SIN3A: variants seen among roughly 807,000 people sequenced by gnomAD.
SIN3A encodes the protein SIN3 transcription regulator family member A, also known as paired amphipathic helix protein Sin3a.
Under a neutral mutation model 146.1 loss-of-function variants are expected in SIN3A, and 14 were observed. The ratio of observed to expected loss-of-function variants is 0.10; its 90% CI spans 0.06 to 0.15. SIN3A has a LOEUF of 0.15. Among genes scored for constraint, SIN3A ranks in the 10% least tolerant of loss-of-function variants. The pLI, the probability that SIN3A is intolerant of heterozygous loss-of-function variation, is 1.00. For synonymous variants in SIN3A, 572 were observed against 572.0 expected (o/e 1.00, Z 0.00); for missense variants, 1,028 against 1,576.0 (o/e 0.65, Z 5.89).
At chr15:75,385,013 A>C (rs1459046630) in intron 16 of SIN3A, among the ~76,000 whole-genome samples, 1 of 152,122 alleles carries the variant, frequency 6.6e-6, no homozygotes, top group Non-Finnish European at 1.5e-5. Context: ...ATCTCTACTA[A>C]AAATACACAA....
Position 75,370,916 on chromosome 15 carries a change from G to T in SIN3A, c.*1063C>A, listed in dbSNP as rs1457841950. 1 of 151,146 alleles carries T rather than the reference G, an allele frequency of 6.6e-6. No homozygotes were observed. Among genetic ancestry groups the T allele is most frequent in the Non-Finnish European group, 1.5e-5 (1 of 67,940 alleles). The allele number at this position is 151,146 out of a possible 1,614,324, so 9.4% of individuals were successfully genotyped here. A position where few individuals can be genotyped will look rare whatever the true frequency, so the allele number is the denominator to read the frequency against. ...ATTTTCTGGTGAGGACAAGGGACGT[G>T]GGTTGAGAGTTTATTCCTTAAGTAA... On this transcript the variant is annotated 3_prime_UTR_variant, in exon 21 of 21. Coordinates refer to ENST00000394947, the MANE Select transcript of SIN3A (RefSeq NM_001145358.2).
chr15:75,451,274 C>A (rs1196601101), intron 1 of SIN3A, 149 bp downstream of exon 1: 2 of 128,992 alleles, frequency 1.6e-5, no homozygotes, highest in African/African-American at 5.8e-5. Flanking sequence ...CTCCGCCCCC[C>A]ACCCCCCTCA....
intron 8 of SIN3A, among the ~76,000 whole-genome samples, chr15:75,408,259 CAT>C (rs2073557151): frequency 6.6e-6 from 1 of 152,174 alleles, no homozygotes; most frequent in South Asian, 2.1e-4. Context: ...TCTTGCTACC[CAT>C]ATAACTAATT....
chr15:75,417,859 A>G (rs1156593875), intron 3 of SIN3A, among the ~76,000 whole-genome samples: 3 of 152,104 alleles, frequency 2.0e-5, no homozygotes, highest in Non-Finnish European at 4.4e-5. Flanking sequence ...CATGAATGGG[A>G]TTAGGGACCT....
intron 9 of SIN3A, 24 bp from the exon 10 acceptor site, chr15:75,401,994 AAC>A (rs750208575): frequency 2.7e-6 from 4 of 1,488,248 alleles, no homozygotes; most frequent in Non-Finnish European, 3.7e-6. Context: ...CGGGAAGAAA[AAC>A]AGTTTTTGTT....
At chr15:75,439,366 A>C (rs1420263038) in intron 1 of SIN3A, among the ~76,000 whole-genome samples, 1 of 150,748 alleles carries the variant, frequency 6.6e-6, no homozygotes, top group South Asian at 2.1e-4. Context: ...TTTGAGACAG[A>C]GTCTTGCTCT....
At position 75,451,605 on chromosome 15, in the gene SIN3A, G is replaced by A. The variant is rs957486145; in HGVS notation, c.-216C>T. The stretch of plus-strand genomic sequence containing the variant: ...GACTGGGAAGGAGGGAGGGAGGGAG[G>A]GAGGGAAACTCCGAGGGGGGAAGGG... On this transcript the variant is annotated 5_prime_UTR_variant, in exon 1 of 21. Coordinates refer to ENST00000394947, the MANE Select transcript of SIN3A (RefSeq NM_001145358.2). 7.1e-5 allele frequency: 10 copies of A among 141,616 alleles called. No homozygotes were observed. Among genetic ancestry groups the A allele is most frequent in the Non-Finnish European group, 1.4e-4 (9 of 64,518 alleles). 8.8% of individuals were successfully genotyped at this position (141,616 alleles called of 1,614,324 possible). A position where few individuals can be genotyped will look rare whatever the true frequency, so the allele number is the denominator to read the frequency against.
At chr15:75,374,846 G>T (rs1293514866) in intron 20 of SIN3A, among the ~76,000 whole-genome samples, 1 of 152,164 alleles carries the variant, frequency 6.6e-6, no homozygotes, top group Admixed American at 6.5e-5. Context: ...CTGTATGCTA[G>T]TTACCCTTGA....
chr15:75,426,163 C>T (rs1164730843), intron 2 of SIN3A, among the ~76,000 whole-genome samples: 2 of 152,166 alleles, frequency 1.3e-5, no homozygotes, highest in Non-Finnish European at 2.9e-5. Context: ...CAGTCATTAA[C>T]CTGTTTAGAT....
rs777128629 is a variant in SIN3A at position 75,410,289 on chromosome 15, G to A, written c.1009-3C>T. The A allele has an allele frequency of 3.7e-6, 6 of 1,610,086 alleles. No individual in the cohort carries two copies. The highest frequency in any genetic ancestry group is 3.3e-5 in the South Asian group (3 of 89,996). The stretch of plus-strand genomic sequence containing the variant: ...TCCTTGGCATTTCTCTGCTCTTTCT[G>A]AGGAATTGCAAATGAAAAGAGATCA... On this transcript the variant is annotated splice_region_variant and splice_polypyrimidine_tract_variant and intron_variant, in intron 6 of 20. Coordinates refer to ENST00000394947, the MANE Select transcript of SIN3A (RefSeq NM_001145358.2).
At chr15:75,427,543 C>G (rs1432680631) in intron 2 of SIN3A, among the ~76,000 whole-genome samples, 3 of 151,926 alleles carry the variant, frequency 2.0e-5, no homozygotes, top group Non-Finnish European at 4.4e-5. Context: ...GCCTGTAATC[C>G]CAGCTACTCG....
chr15:75,445,120 C>G (rs1194901425), intron 1 of SIN3A, among the ~76,000 whole-genome samples: 3 of 152,050 alleles, frequency 2.0e-5, no homozygotes, highest in Non-Finnish European at 4.4e-5. Flanking sequence ...GTGGCTCATG[C>G]CTGTAATCCC....
At chr15:75,393,148 G>C (rs1406161461) in intron 14 of SIN3A, among the ~76,000 whole-genome samples, 3 of 152,166 alleles carry the variant, frequency 2.0e-5, no homozygotes, top group Non-Finnish European at 4.4e-5. Flanking sequence ...AGAATCACTT[G>C]AACCCGTGAG....
intron 1 of SIN3A, among the ~76,000 whole-genome samples, chr15:75,438,968 T>C (rs2074153093): frequency 6.6e-6 from 1 of 152,222 alleles, no homozygotes; most frequent in Non-Finnish European, 1.5e-5. Context: ...AAAGGCACTC[T>C]ATTTAGATTT....
intron 1 of SIN3A, among the ~76,000 whole-genome samples, chr15:75,433,809 A>G (rs931576003): frequency 6.6e-5 from 10 of 152,144 alleles, no homozygotes; most frequent in African/African-American, 2.4e-4. Flanking sequence ...ACTCCATCTC[A>G]AAAACAACAA....
chr15:75,426,566 C>T (rs1369996178), intron 2 of SIN3A, among the ~76,000 whole-genome samples: 1 of 152,102 alleles, frequency 6.6e-6, no homozygotes, highest in Non-Finnish European at 1.5e-5. Flanking sequence ...AGAAAGATAT[C>T]CACTATATAT....
chr15:75,398,956 C>T (rs765962028), intron 12 of SIN3A, among the ~76,000 whole-genome samples: 25 of 151,344 alleles, frequency 1.7e-4, no homozygotes, highest in Non-Finnish European at 3.1e-4. Flanking sequence ...TTGATAGGTG[C>T]AGCAAACCAC....
chr15:75,401,646 C>A (rs975168146), intron 10 of SIN3A, among the ~76,000 whole-genome samples: 1 of 152,150 alleles, frequency 6.6e-6, no homozygotes, highest in East Asian at 1.9e-4. Context: ...TAGTCTTGGC[C>A]ATTAGTCGAT....
In SIN3A at chr15:75,396,308, A is replaced by G. The variant is rs760816435; in HGVS notation, c.2043T>C (p.Ile681=). 3 of 1,614,090 alleles carry G rather than the reference A, an allele frequency of 1.9e-6. No homozygotes were observed. The African/African-American group carries it at 4.0e-5, about 22-fold the overall frequency. Residue 681 remains isoleucine (I), a synonymous_variant, in exon 13 of 21, where the codon ATT becomes ATC. Transcript: ENST00000394947. ...RIYADKAADI[I]DGLRKNPSIA... Reference sequence around the variant, plus strand: ...TGGAGGGATTCTTTCTCAGACCATCAATGATGTCAGCTGCTTTATCAGCAT... The same window carrying G: ...TGGAGGGATTCTTTCTCAGACCATCGATGATGTCAGCTGCTTTATCAGCAT...
Sources: allele counts gnomAD v4.1 joint callset (sites outside exome capture counted in the v4.1 genomes callset), GRCh38; gene constraint gnomAD v4.1.1; transcripts MANE v1.5; gene names NCBI Gene and HGNC (gene_info 2026-07-23, HGNC 2026-07-21).